Variants in SSBP3 observed in about 807,000 individuals in gnomAD.
The protein encoded by SSBP3 is single stranded DNA binding protein 3, also known as single-stranded DNA-binding protein 3.
In SSBP3, 5 loss-of-function variants were observed where a neutral mutation model predicts 69.6. That is an observed-to-expected ratio of 0.07 (90% CI 0.04 to 0.15). The LOEUF is 0.15. SSBP3 is among the 10% of genes least tolerant of loss of function. The pLI, the probability that SSBP3 is intolerant of heterozygous loss-of-function variation, is 1.00. For synonymous variants in SSBP3, 196 were observed against 193.4 expected, an observed-to-expected ratio of 1.01 and a Z score of -0.11; for missense variants, 312 against 534.0, an observed-to-expected ratio of 0.58 and a Z score of 4.10.
chr1:54,340,900 C>T (rs1241031650), intron 4 of SSBP3, among the ~76,000 whole-genome samples: 6 of 152,224 alleles, frequency 3.9e-5, no homozygotes, highest in Non-Finnish European at 7.3e-5. Context: ...GCTGTCATTC[C>T]ACTCCACCCT....
chr1:54,284,330 TC>T (rs1235655799), intron 4 of SSBP3, among the ~76,000 whole-genome samples: 2 of 152,078 alleles, frequency 1.3e-5, no homozygotes, highest in African/African-American at 4.8e-5. Context: ...ACCTCTTAGG[TC>T]ATTACCTTTT....
chr1:54,410,299 C>T (rs1317808356), upstream of SSBP3, among the ~76,000 whole-genome samples: 2 of 152,208 alleles, frequency 1.3e-5, no homozygotes, highest in Admixed American at 1.3e-4. Flanking sequence ...ATCCTGGGTT[C>T]TGGCACCAGA....
Position 54,405,862 on chromosome 1 carries a change from C to CGGCCGGGGGG in SSBP3, c.56+90_56+91insCCCCCCGGCC. 2 of 154,772 alleles carry CGGCCGGGGGG rather than the reference C, an allele frequency of 1.3e-5. 1 individual carries two copies. Among genetic ancestry groups the CGGCCGGGGGG allele is most frequent in the African/African-American group, 5.3e-5 (2 of 38,072 alleles). The allele number at this position is 154,772 out of a possible 1,614,324, so 9.6% of individuals were successfully genotyped here. ...GGGGACCCGAGGGCGCAGCAGCCTCCGGCCCCCGCCCGCCCGCCCACCTGC... is the reference window on the plus strand; with the variant it reads ...GGGGACCCGAGGGCGCAGCAGCCTCCGGCCGGGGGGGGCCCCCGCCCGCCCGCCCACCTGC... On this transcript the variant is annotated intron_variant, in intron 1 of 17. Coordinates refer to ENST00000610401, the Ensembl canonical transcript of SSBP3.
chr1:54,405,344 G>A (rs111552545), intron 1 of SSBP3: 1 of 224,816 alleles, frequency 4.4e-6, no homozygotes, highest in Non-Finnish European at 9.0e-6. Context: ...GGAGAGGGCA[G>A]CAAAGCGCCA....
intron 4 of SSBP3, among the ~76,000 whole-genome samples, chr1:54,347,294 G>T (rs1646705231): frequency 6.6e-6 from 1 of 151,414 alleles, no homozygotes; most frequent in Non-Finnish European, 1.5e-5. Flanking sequence ...ATCATCTCTG[G>T]GTTACTTATA....
intron 4 of SSBP3, among the ~76,000 whole-genome samples, chr1:54,333,464 A>G (rs1646456124): frequency 6.6e-6 from 1 of 152,206 alleles, no homozygotes. Flanking sequence ...GTAAGGCTGC[A>G]TGGCCTGGTA....
chr1:54,392,514 G>A (rs1020672749), intron 4 of SSBP3, among the ~76,000 whole-genome samples: 1 of 152,224 alleles, frequency 6.6e-6, no homozygotes, highest in Non-Finnish European at 1.5e-5. Context: ...GTGTAATACG[G>A]TTGTTTCTTT....
At chr1:54,240,475 G>GAA (rs1233777078) in intron 13 of SSBP3, among the ~76,000 whole-genome samples, 11 of 99,016 alleles carry the variant, frequency 1.1e-4, no homozygotes, top group African/African-American at 3.7e-4. Context: ...AAAAAAAAGG[G>GAA]GGGGGGGGCG....
chr1:54,263,707 C>T (rs1351972682), intron 5 of SSBP3, among the ~76,000 whole-genome samples: 1 of 152,256 alleles, frequency 6.6e-6, no homozygotes, highest in Admixed American at 6.5e-5. Flanking sequence ...TACTCCATGT[C>T]TGGGGGTGCC....
chr1:54,380,623 C>T (rs1353054916), intron 4 of SSBP3, among the ~76,000 whole-genome samples: 1 of 152,214 alleles, frequency 6.6e-6, no homozygotes, highest in Non-Finnish European at 1.5e-5. Flanking sequence ...CCCAGGACCC[C>T]GGCTCTCACC....
At chr1:54,335,131 CA>C (rs1646486547) in intron 4 of SSBP3, among the ~76,000 whole-genome samples, 1 of 152,190 alleles carries the variant, frequency 6.6e-6, no homozygotes, top group Non-Finnish European at 1.5e-5. Flanking sequence ...TTTGTTTGCC[CA>C]ACACCCGGAC....
intron 4 of SSBP3, among the ~76,000 whole-genome samples, chr1:54,400,523 C>T (rs1438402810): frequency 6.6e-6 from 1 of 152,140 alleles, no homozygotes; most frequent in African/African-American, 2.4e-5. Context: ...ATAAGTGAAC[C>T]GGTGGTGACC....
intron 4 of SSBP3, among the ~76,000 whole-genome samples, chr1:54,393,428 A>G (rs767413071): frequency 6.6e-6 from 1 of 152,106 alleles, no homozygotes; most frequent in Non-Finnish European, 1.5e-5. Context: ...GCCCCTTATT[A>G]TCAATCACTG....
intron 7 of SSBP3, chr1:54,255,486 A>G (rs1195235900): frequency 6.6e-6 from 1 of 152,212 alleles, no homozygotes; most frequent in Non-Finnish European, 1.5e-5. Flanking sequence ...CAGGAATCTT[A>G]CATCTGTGAA....
At chr1:54,351,837 G>T (rs1646785000) in intron 4 of SSBP3, among the ~76,000 whole-genome samples, 1 of 152,140 alleles carries the variant, frequency 6.6e-6, no homozygotes, top group Non-Finnish European at 1.5e-5. Context: ...AAGGACTCCT[G>T]ACTCGATCTG....
intron 4 of SSBP3, among the ~76,000 whole-genome samples, chr1:54,382,872 C>A (rs1647760752): frequency 6.6e-6 from 1 of 151,790 alleles, no homozygotes; most frequent in African/African-American, 2.4e-5. Context: ...GCAATCCCAG[C>A]TACCCAGGAG....
At chr1:54,328,435 G>A (rs1227938956) in intron 4 of SSBP3, among the ~76,000 whole-genome samples, 1 of 152,148 alleles carries the variant, frequency 6.6e-6, no homozygotes, top group Non-Finnish European at 1.5e-5. Flanking sequence ...CCTTGGCCAA[G>A]TCACCACCCT....
intron 4 of SSBP3, among the ~76,000 whole-genome samples, chr1:54,293,185 A>G (rs1645639261): frequency 6.6e-6 from 1 of 152,178 alleles, no homozygotes; most frequent in African/African-American, 2.4e-5. Context: ...GGCATCTACC[A>G]GGTGCACACA....
intron 4 of SSBP3, among the ~76,000 whole-genome samples, chr1:54,316,251 G>A (rs867316013): frequency 6.6e-6 from 1 of 152,132 alleles, no homozygotes; most frequent in East Asian, 1.9e-4. Context: ...GCTGAGGGAG[G>A]AGGATGGTAT....
Sources: allele counts gnomAD v4.1 joint callset (sites outside exome capture counted in the v4.1 genomes callset), GRCh38; gene constraint gnomAD v4.1.1; transcripts MANE v1.5; gene names NCBI Gene and HGNC (gene_info 2026-07-23, HGNC 2026-07-21).